SPTLC1: variants seen among roughly 807,000 people sequenced by gnomAD.
SPTLC1 encodes serine palmitoyltransferase 1.
Under a neutral mutation model 68.9 loss-of-function variants are expected in SPTLC1, and 55 were observed. The ratio of observed to expected loss-of-function variants is 0.80; its 90% confidence interval spans 0.64 to 1.00. The LOEUF is 1.00. SPTLC1 is among the 50% of genes least tolerant of loss of function. The pLI is 0.00. For synonymous variants in SPTLC1, 197 were observed against 201.6 expected (o/e 0.98, Z 0.19); for missense variants, 449 against 573.1 (o/e 0.78, Z 2.21).
At chr9:92,040,480 A>G (rs1833305186) in intron 12 of SPTLC1, among the ~76,000 whole-genome samples, 1 of 152,080 alleles carries the variant, frequency 6.6e-6, no homozygotes, top group Admixed American at 6.6e-5. Flanking sequence ...CAAGAAATAC[A>G]AGGCGCGATG....
intron 3 of SPTLC1, among the ~76,000 whole-genome samples, chr9:92,094,222 C>A (rs899318524): frequency 1.3e-5 from 2 of 152,160 alleles, no homozygotes; most frequent in Non-Finnish European, 2.9e-5. Context: ...ACAAAGTTAA[C>A]AGACGGGTGA....
At chr9:92,112,236 CAA>C (rs377356194) in intron 2 of SPTLC1, among the ~76,000 whole-genome samples, 31 of 152,280 alleles carry the variant, frequency 2.0e-4, no homozygotes, top group African/African-American at 7.5e-4. Context: ...TTACTCCTAG[CAA>C]AGTATCCAAG....
intron 7 of SPTLC1, among the ~76,000 whole-genome samples, chr9:92,056,782 A>AGT (rs1833906356): frequency 6.6e-6 from 1 of 152,052 alleles, no homozygotes; most frequent in Non-Finnish European, 1.5e-5. Context: ...TACAACCCAC[A>AGT]GCAGTAGCAC....
chr9:92,098,516 T>C (rs1835624302), intron 3 of SPTLC1, among the ~76,000 whole-genome samples: 1 of 152,104 alleles, frequency 6.6e-6, no homozygotes, highest in Non-Finnish European at 1.5e-5. Flanking sequence ...AATTTTCTTG[T>C]AGTTTCTGCA....
At chr9:92,068,690 A>C (rs1834376542) in intron 5 of SPTLC1, among the ~76,000 whole-genome samples, 1 of 152,208 alleles carries the variant, frequency 6.6e-6, no homozygotes, top group Non-Finnish European at 1.5e-5. Flanking sequence ...TTATAGATGC[A>C]CTGTAAGGAG....
intron 2 of SPTLC1, chr9:92,110,077 T>TGGTGTCCCATGTGTCCC: frequency 6.6e-6 from 1 of 152,392 alleles, no homozygotes; most frequent in African/African-American, 2.4e-5. Flanking sequence ...CATGTGTCTC[T>TGGTGTCCCATGTGTCCC]ATCTACTGGT....
At position 92,081,775 on chromosome 9, in the gene SPTLC1, G is replaced by A. The variant is rs138375899; in HGVS notation, c.261-812C>T. On this transcript the variant is annotated intron_variant, in intron 3 of 14. Transcript: ENST00000262554. ...AAATATCAGAACCATGGCACAGGGTGAGTGATGGGACTATGTATCTGTACT... is the reference window on the plus strand; with the variant it reads ...AAATATCAGAACCATGGCACAGGGTAAGTGATGGGACTATGTATCTGTACT... Among the ~76,000 whole-genome samples the A allele has an allele frequency of 2.8e-4, 42 of 151,922 alleles. 1 individual carries two copies. Among genetic ancestry groups the A allele is most frequent in the Non-Finnish European group, 4.9e-4 (33 of 68,034 alleles).
At chr9:92,043,997 T>C (rs996242833) in intron 12 of SPTLC1, among the ~76,000 whole-genome samples, 2 of 152,180 alleles carry the variant, frequency 1.3e-5, no homozygotes, top group Non-Finnish European at 2.9e-5. Flanking sequence ...TTTACTGTTC[T>C]CTGTAACCAT....
At chr9:92,101,484 C>G (rs1835746934) in intron 3 of SPTLC1, among the ~76,000 whole-genome samples, 1 of 143,266 alleles carries the variant, frequency 7.0e-6, no homozygotes, top group African/African-American at 2.6e-5. Context: ...ATGGCGTGAA[C>G]CTGGGAGGCG....
intron 3 of SPTLC1, among the ~76,000 whole-genome samples, chr9:92,103,884 C>G (rs1835853933): frequency 2.0e-5 from 3 of 152,218 alleles, no homozygotes. Context: ...TCTGGCGGAT[C>G]AGCCCCGCAC....
chr9:92,104,966 G>T (rs1417092060), intron 3 of SPTLC1: 4 of 1,533,814 alleles, frequency 2.6e-6, no homozygotes, highest in Admixed American at 2.0e-5. Flanking sequence ...TGGGAAGCCT[G>T]ACCCACTTCC....
intron 1 of SPTLC1, among the ~76,000 whole-genome samples, chr9:92,114,392 TTA>T (rs1190709885): frequency 6.6e-6 from 1 of 152,226 alleles, no homozygotes; most frequent in Non-Finnish European, 1.5e-5. Flanking sequence ...TCTTATTATC[TTA>T]TGTATCTGAA....
chr9:92,079,515 C>G, intron 5 of SPTLC1: 1 of 1,613,870 alleles, frequency 6.2e-7, no homozygotes, highest in Non-Finnish European at 8.5e-7. Context: ...TTTAGTTGGC[C>G]TGTTCCCGGA....
intron 3 of SPTLC1, among the ~76,000 whole-genome samples, chr9:92,089,911 GC>G (rs1482980965): frequency 6.6e-6 from 1 of 152,138 alleles, no homozygotes; most frequent in Non-Finnish European, 1.5e-5. Context: ...CACAGGCCAG[GC>G]CATGATGAAG....
In SPTLC1 at chr9:92,081,408, T is replaced by C. The variant is rs180882564; in HGVS notation, c.261-445A>G. 1.4e-3 allele frequency among the ~76,000 whole-genome samples: 220 copies of C among 152,296 alleles called. 1 individual carries two copies. The highest frequency in any genetic ancestry group is 3.9e-3 in the African/African-American group (161 of 41,578). The stretch of plus-strand genomic sequence containing the variant: ...ACGGCTTAAAAAGAAATGTCATGTA[T>C]AGGAAGCCACTAAAGAGTAAGTGGG... On this transcript the variant is annotated intron_variant, in intron 3 of 14. Coordinates refer to ENST00000262554, the MANE Select transcript of SPTLC1 (RefSeq NM_006415.4).
chr9:92,047,476 T>G (rs1177290316), intron 10 of SPTLC1, 137 bp downstream of exon 10: 3 of 748,556 alleles, frequency 4.0e-6, no homozygotes, highest in Non-Finnish European at 4.6e-6. Flanking sequence ...ATATTTTGAG[T>G]GATTCTTTAA....
chr9:92,033,282 C>T (rs952112968), intron 14 of SPTLC1, among the ~76,000 whole-genome samples: 25 of 152,168 alleles, frequency 1.6e-4, no homozygotes, highest in Admixed American at 1.3e-4. Context: ...TTTGATTGTT[C>T]GTATTTATGT....
intron 2 of SPTLC1, chr9:92,110,037 G>A (rs916576277): frequency 6.6e-6 from 1 of 152,024 alleles, no homozygotes; most frequent in African/African-American, 2.4e-5. Flanking sequence ...ACTTGATATT[G>A]ACACTTTGTA....
At chr9:92,082,347 G>A (rs1423985252) in intron 3 of SPTLC1, among the ~76,000 whole-genome samples, 10 of 151,426 alleles carry the variant, frequency 6.6e-5, no homozygotes, top group Non-Finnish European at 1.3e-4. Context: ...CCATTAACTT[G>A]TCATTTAGCA....
Sources: allele counts gnomAD v4.1 joint callset (sites outside exome capture counted in the v4.1 genomes callset), GRCh38; gene constraint gnomAD v4.1.1; transcripts MANE v1.5; gene names NCBI Gene and HGNC (gene_info 2026-07-23, HGNC 2026-07-21).